PDE3A: variants seen among roughly 807,000 people sequenced by gnomAD.
PDE3A encodes phosphodiesterase 3A, also known as cGMP-inhibited 3',5'-cyclic phosphodiesterase 3A.
PDE3A carries 43 observed loss-of-function variants against 98.3 expected under a neutral mutation model. That is an observed-to-expected ratio of 0.44 (90% confidence interval 0.34 to 0.56). The LOEUF is 0.56. PDE3A is among the 20% of genes least tolerant of loss of function. The pLI is 0.01. For missense variants in PDE3A, 1,427 were observed against 1,440.7 expected (o/e 0.99, Z 0.15); for synonymous variants, 663 against 567.9 (o/e 1.17, Z -2.38).
chr12:20,418,606 T>A (rs1286555416), intron 1 of PDE3A, among the ~76,000 whole-genome samples: 1 of 152,236 alleles, frequency 6.6e-6, no homozygotes. Flanking sequence ...AGTTATGTTC[T>A]GTTTATTGCC....
chr12:20,634,953 G>C lies in PDE3A; in HGVS notation c.1898G>C (p.Ser633Thr). The change falls in exon 8 of 16, where the codon AGC becomes ACC. Residue 633 changes from serine to threonine, a missense_variant. Ser to Thr is a moderately conservative substitution (Grantham distance 58). Transcript: ENST00000359062. ...TATGAAACCAATAACAACAGTGACA[G>C]CAGTGACATTGTACAGAATGAAGAT... The part of the protein sequence containing the change: ...SDYETNNNSD[S>T]SDIVQNEDET... The C allele has an allele frequency of 6.2e-7, 1 of 1,607,232 alleles. No homozygotes were observed. The highest frequency in any genetic ancestry group is 2.2e-5 in the East Asian group (1 of 44,820).
intron 2 of PDE3A, among the ~76,000 whole-genome samples, chr12:20,574,489 T>C (rs1942879606): frequency 6.6e-6 from 1 of 152,090 alleles, no homozygotes; most frequent in Non-Finnish European, 1.5e-5. Flanking sequence ...AGTATCTACT[T>C]TGAAAGTTTG....
chr12:20,417,903 A>G (rs1043848496), intron 1 of PDE3A, among the ~76,000 whole-genome samples: 1 of 152,232 alleles, frequency 6.6e-6, no homozygotes, highest in Non-Finnish European at 1.5e-5. Flanking sequence ...ATTTACAGTA[A>G]CAACAATAAC....
At chr12:20,497,360 T>C (rs74066464) in intron 1 of PDE3A, among the ~76,000 whole-genome samples, 3,271 of 151,766 alleles carry the variant, frequency 0.022, 104 homozygotes, top group African/African-American at 0.075. Context: ...ATATATAAAC[T>C]GATTATTTGA....
chr12:20,448,993 A>G (rs1413865103), intron 1 of PDE3A, among the ~76,000 whole-genome samples: 1 of 152,236 alleles, frequency 6.6e-6, no homozygotes, highest in Non-Finnish European at 1.5e-5. Flanking sequence ...CCATTAAAGT[A>G]CATTAATCCT....
chr12:20,596,254 TTTAC>T (rs535840526), intron 2 of PDE3A, among the ~76,000 whole-genome samples: 1 of 152,272 alleles, frequency 6.6e-6, no homozygotes, highest in Non-Finnish European at 1.5e-5. Flanking sequence ...AAATGACTTA[TTTAC>T]TTACTTAATT....
At chr12:20,411,658 G>A (rs4762955) in intron 1 of PDE3A, among the ~76,000 whole-genome samples, 93,524 of 151,512 alleles carry the variant, frequency 0.62, 30,596 homozygotes, top group East Asian at 0.88. Flanking sequence ...TCTGTAATGC[G>A]TGAATAGTCT....
At position 20,412,622 on chromosome 12, in the gene PDE3A, T is replaced by A. The variant is rs543122608; in HGVS notation, c.960+42378T>A. 4.6e-5 allele frequency among the ~76,000 whole-genome samples: 7 copies of A among 152,294 alleles called. No individual in the cohort carries two copies. The South Asian group carries it at 1.5e-3, about 32-fold the overall frequency. On this transcript the variant is annotated intron_variant, in intron 1 of 15. Coordinates refer to ENST00000359062, the MANE Select transcript of PDE3A (RefSeq NM_000921.5). ...TAGAATGCTGTTATGGCACATGAGA[T>A]GCTCCACATCCTACCTACATGGAAT... is the stretch of plus-strand genomic sequence containing the variant.
At chr12:20,499,021 T>C (rs1945974931) in intron 1 of PDE3A, among the ~76,000 whole-genome samples, 2 of 152,176 alleles carry the variant, frequency 1.3e-5, no homozygotes, top group South Asian at 4.1e-4. Context: ...GCATGTGTTT[T>C]TGCACTTTTG....
chr12:20,653,425 C>T (rs756494946), intron 14 of PDE3A, among the ~76,000 whole-genome samples: 9 of 151,890 alleles, frequency 5.9e-5, no homozygotes, highest in South Asian at 4.2e-4. Context: ...TGCAGTGGCA[C>T]GATCTCAGCT....
At chr12:20,395,910 G>T (rs774257725) in intron 1 of PDE3A, among the ~76,000 whole-genome samples, 1 of 151,332 alleles carries the variant, frequency 6.6e-6, no homozygotes. Context: ...TTATTTTAGG[G>T]ACAGGATATT....
intron 10 of PDE3A, among the ~76,000 whole-genome samples, chr12:20,644,503 C>T (rs981128879): frequency 1.3e-5 from 2 of 151,886 alleles, no homozygotes; most frequent in African/African-American, 4.8e-5. Flanking sequence ...AGTAACTCAC[C>T]CAAGTTAGCA....
intron 15 of PDE3A, among the ~76,000 whole-genome samples, chr12:20,677,125 T>C (rs1945660731): frequency 6.6e-6 from 1 of 152,214 alleles, no homozygotes; most frequent in African/African-American, 2.4e-5. Flanking sequence ...TAGTCTATTG[T>C]TAAAACTTTT....
At chr12:20,596,062 C>T (rs1349812076) in intron 2 of PDE3A, among the ~76,000 whole-genome samples, 3 of 151,916 alleles carry the variant, frequency 2.0e-5, no homozygotes, top group Admixed American at 6.6e-5. Context: ...TCCTTTTTTG[C>T]ATAGATCTTT....
At chr12:20,664,167 C>T (rs1945250433) in intron 15 of PDE3A, among the ~76,000 whole-genome samples, 1 of 152,072 alleles carries the variant, frequency 6.6e-6, no homozygotes, top group Non-Finnish European at 1.5e-5. Context: ...CCTCCCCAGC[C>T]CTGTGGAACT....
intron 1 of PDE3A, among the ~76,000 whole-genome samples, chr12:20,488,950 A>T (rs1945780674): frequency 6.6e-6 from 1 of 151,990 alleles, no homozygotes; most frequent in Admixed American, 6.6e-5. Context: ...AGAAGTATCC[A>T]GGTTCAAAGC....
intron 1 of PDE3A, among the ~76,000 whole-genome samples, chr12:20,445,655 A>G (rs907020499): frequency 3.3e-5 from 5 of 152,182 alleles, no homozygotes; most frequent in African/African-American, 9.7e-5. Flanking sequence ...ATCAAGGAAC[A>G]TGGGAATATG....
At chr12:20,443,017 G>A (rs1247567247) in intron 1 of PDE3A, among the ~76,000 whole-genome samples, 1 of 151,744 alleles carries the variant, frequency 6.6e-6, no homozygotes, top group African/African-American at 2.4e-5. Context: ...ATCAGTTAAT[G>A]GTAGTGAACA....
At chr12:20,598,011 T>C (rs1943505218) in intron 2 of PDE3A, among the ~76,000 whole-genome samples, 1 of 152,188 alleles carries the variant, frequency 6.6e-6, no homozygotes, top group South Asian at 2.1e-4. Flanking sequence ...AAATCACTTC[T>C]AACAGTGTTT....
Sources: gnomAD v4.1 joint callset for allele counts (sites outside exome capture counted in the v4.1 genomes callset) on GRCh38, gnomAD v4.1.1 for gene constraint, MANE v1.5 for transcripts, NCBI Gene and HGNC (gene_info 2026-07-23, HGNC 2026-07-21) for gene names.